NALF1: variants seen among roughly 807,000 people sequenced by gnomAD.
NALF1 encodes family with sequence similarity 155 member A.
Under a neutral mutation model 48.4 loss-of-function variants are expected in NALF1, and 3 were observed. That is an observed-to-expected ratio of 0.06 (90% CI 0.03 to 0.16). The LOEUF (loss-of-function observed/expected upper bound fraction) is 0.16, where lower values mean the gene tolerates loss of function less well. NALF1 is among the 10% of genes least tolerant of loss of function. The probability of loss-of-function intolerance (pLI) is 1.00; values close to 1 mark genes in which losing one functional copy is unlikely to be tolerated. For synonymous variants in NALF1, 262 were observed against 245.7 expected (o/e 1.07, Z -0.62); for missense variants, 526 against 571.5 (o/e 0.92, Z 0.81).
intron 1 of NALF1, among the ~76,000 whole-genome samples, chr13:107,824,528 C>G (rs2138620539): frequency 6.6e-6 from 1 of 152,230 alleles, no homozygotes; most frequent in South Asian, 2.1e-4. Context: ...GATTGGAGAA[C>G]ACAAAATCAA....
intron 1 of NALF1, among the ~76,000 whole-genome samples, chr13:107,816,974 A>G (rs1341826119): frequency 6.6e-6 from 1 of 152,220 alleles, no homozygotes; most frequent in African/African-American, 2.4e-5. Context: ...TGGATTTTGG[A>G]GAATTTAATA....
chr13:107,237,400 A>T (rs1880375516), intron 1 of NALF1, among the ~76,000 whole-genome samples: 1 of 152,138 alleles, frequency 6.6e-6, no homozygotes, highest in African/African-American at 2.4e-5. Flanking sequence ...TATCTCACTT[A>T]TAACCCAAAA....
At chr13:107,794,316 G>C (rs1270485919) in intron 1 of NALF1, among the ~76,000 whole-genome samples, 1 of 152,038 alleles carries the variant, frequency 6.6e-6, no homozygotes, top group African/African-American at 2.4e-5. Flanking sequence ...TTATTTTCCT[G>C]TAGGCTTTTG....
rs373640199 is a variant in NALF1 at position 107,273,144 on chromosome 13, C to T, written c.916-62389G>A. On this transcript the variant is annotated intron_variant, in intron 1 of 2. Transcript: ENST00000375915. The stretch of plus-strand genomic sequence containing the variant: ...CAGGTCATAATATTCTTATGCACTC[C>T]CCCAATACACAGAAGAAAGGAGCAG... 1.4e-4 allele frequency among the ~76,000 whole-genome samples: 21 copies of T among 152,130 alleles called. 1 individual carries two copies. The highest frequency in any genetic ancestry group is 6.5e-4 in the Admixed American group (10 of 15,272).
intron 1 of NALF1, among the ~76,000 whole-genome samples, chr13:107,819,045 T>C (rs1490496540): frequency 1.3e-5 from 2 of 152,230 alleles, no homozygotes; most frequent in South Asian, 2.1e-4. Context: ...TCCCATAAAG[T>C]GGGCAAGCTC....
chr13:107,448,296 C>T (rs76207868), intron 1 of NALF1, among the ~76,000 whole-genome samples: 6,277 of 152,230 alleles, frequency 0.041, 185 homozygotes, highest in Non-Finnish European at 0.061. Context: ...AAAAAAAATC[C>T]TGCAGATATA....
At chr13:107,180,013 G>C (rs934446663) in intron 2 of NALF1, among the ~76,000 whole-genome samples, 3 of 147,968 alleles carry the variant, frequency 2.0e-5, no homozygotes, top group African/African-American at 7.5e-5. Flanking sequence ...TTTCAAATAA[G>C]CTCATATTTT....
chr13:107,424,612 A>G (rs1478963658), intron 1 of NALF1, among the ~76,000 whole-genome samples: 1 of 152,206 alleles, frequency 6.6e-6, no homozygotes, highest in African/African-American at 2.4e-5. Flanking sequence ...AAGAAAGGGA[A>G]GGAGAAGAAA....
At chr13:107,583,381 T>C (rs1426813744) in intron 1 of NALF1, among the ~76,000 whole-genome samples, 2 of 152,198 alleles carry the variant, frequency 1.3e-5, no homozygotes, top group African/African-American at 2.4e-5. Context: ...TTCTAAGATA[T>C]TTTTGTTCAG....
At chr13:107,492,296 G>A (rs777155471) in intron 1 of NALF1, among the ~76,000 whole-genome samples, 3 of 151,874 alleles carry the variant, frequency 2.0e-5, no homozygotes, top group Admixed American at 6.6e-5. Context: ...TGATCAGCCC[G>A]CTTCGGCCTT....
rs554708287 is a variant in NALF1 at position 107,568,391 on chromosome 13, C to T, written c.915+297291G>A. 2.0e-5 allele frequency among the ~76,000 whole-genome samples: 3 copies of T among 152,326 alleles called. No individual in the cohort carries two copies. The East Asian group carries it at 5.8e-4, about 29-fold the overall frequency. On this transcript the variant is annotated intron_variant, in intron 1 of 2. Transcript: ENST00000375915. ...AATCATTTCCTGTTAGGGGCTATCA[C>T]AAATACAGCTGCTATGAACATTCAG...
chr13:107,385,919 AT>A (rs1883523303), intron 1 of NALF1, among the ~76,000 whole-genome samples: 1 of 152,224 alleles, frequency 6.6e-6, no homozygotes, highest in Middle Eastern at 3.2e-3. Context: ...TTAGAAAAAA[AT>A]AATACCTCTT....
chr13:107,694,375 G>A (rs1307468464), intron 1 of NALF1, among the ~76,000 whole-genome samples: 1 of 152,010 alleles, frequency 6.6e-6, no homozygotes, highest in African/African-American at 2.4e-5. Flanking sequence ...GGAAAGGCAG[G>A]CTGCATTTGC....
At chr13:107,338,948 C>A (rs532729009) in intron 1 of NALF1, among the ~76,000 whole-genome samples, 3 of 151,644 alleles carry the variant, frequency 2.0e-5, no homozygotes, top group South Asian at 2.1e-4. Flanking sequence ...CTGGCTAACA[C>A]GGTGAAACCC....
intron 1 of NALF1, among the ~76,000 whole-genome samples, chr13:107,828,978 G>A (rs1879619789): frequency 1.3e-5 from 2 of 151,984 alleles, no homozygotes; most frequent in Admixed American, 1.3e-4. Context: ...TATTTTTTCT[G>A]ACCCAAAGTT....
At chr13:107,546,915 G>A (rs947316763) in intron 1 of NALF1, among the ~76,000 whole-genome samples, 1 of 152,072 alleles carries the variant, frequency 6.6e-6, no homozygotes, top group African/African-American at 2.4e-5. Context: ...GATAAACATT[G>A]GCAAGCCTAG....
chr13:107,651,943 A>G (rs1880459547), intron 1 of NALF1, among the ~76,000 whole-genome samples: 3 of 152,226 alleles, frequency 2.0e-5, no homozygotes, highest in African/African-American at 7.2e-5. Context: ...CTAATTTTAA[A>G]CTTGAAAGTT....
chr13:107,362,501 G>C lies in NALF1; in HGVS notation c.916-151746C>G, dbSNP rs1231247128. Reference sequence around the variant, plus strand: ...CTGCATGACTCCAATTTATACCACTGTTGTCACTTGGCATTCTCCTGTGTG... The same window carrying C: ...CTGCATGACTCCAATTTATACCACTCTTGTCACTTGGCATTCTCCTGTGTG... On this transcript the variant is annotated intron_variant, in intron 1 of 2. Coordinates refer to ENST00000375915, the MANE Select transcript of NALF1 (RefSeq NM_001080396.3). The surrounding 1 kb of genome is among the most constrained non-coding windows in gnomAD (Gnocchi z 4.6). Among the ~76,000 whole-genome samples, 2 of 152,080 alleles carry C rather than the reference G, an allele frequency of 1.3e-5. No individual in the cohort carries two copies. The highest frequency in any genetic ancestry group is 1.9e-4 in the East Asian group (1 of 5,166).
intron 1 of NALF1, among the ~76,000 whole-genome samples, chr13:107,249,522 C>T (rs748625380): frequency 3.7e-4 from 56 of 151,734 alleles, no homozygotes; most frequent in Non-Finnish European, 7.2e-4. Flanking sequence ...AGTGAGTGAC[C>T]GTAGGTTGGG....
Sources: gnomAD v4.1 joint callset for allele counts (sites outside exome capture counted in the v4.1 genomes callset) on GRCh38, gnomAD v4.1.1 for gene constraint, Gnocchi (gnomAD v3.1) non-coding constraint, MANE v1.5 for transcripts, NCBI Gene and HGNC (gene_info 2026-07-23, HGNC 2026-07-21) for gene names.